The following POM121 variants were observed in gnomAD, a reference collection of about 807,000 sequenced individuals.
POM121 encodes the protein POM121 transmembrane nucleoporin.
Under a neutral mutation model 81.3 loss-of-function variants are expected in POM121, and 32 were observed. That is an observed-to-expected ratio of 0.39 (90% CI 0.30 to 0.53). The LOEUF (loss-of-function observed/expected upper bound fraction) is 0.53, where lower values mean the gene tolerates loss of function less well. POM121 is among the 20% of genes least tolerant of loss of function. The pLI is 0.66. For missense variants in POM121, 1,138 were observed against 1,614.6 expected (o/e 0.70, Z 5.06); for synonymous variants, 514 against 694.2 (o/e 0.74, Z 4.08).
chr7:72,923,122 C>A (rs555536234), upstream of POM121, among the ~76,000 whole-genome samples: 61 of 150,004 alleles, frequency 4.1e-4, 1 homozygote, highest in East Asian at 2.4e-3. Flanking sequence ...AACCCCCCCC[C>A]CCTTTTTTTT....
intron 1 of POM121, among the ~76,000 whole-genome samples, chr7:72,889,666 C>G (rs759011885): frequency 5.3e-5 from 8 of 152,130 alleles, no homozygotes; most frequent in Non-Finnish European, 1.0e-4. Context: ...GCCATGATGC[C>G]CAGCCAATTT....
intron 3 of POM121, among the ~76,000 whole-genome samples, chr7:72,911,026 C>T (rs1438131910): frequency 4.6e-5 from 7 of 152,262 alleles, no homozygotes; most frequent in East Asian, 1.9e-4. Context: ...TGGCTATGTC[C>T]GCCAGGTTGG....
chr7:72,903,230 G>A (rs1453625718), intron 3 of POM121, among the ~76,000 whole-genome samples: 10 of 152,204 alleles, frequency 6.6e-5, no homozygotes, highest in African/African-American at 1.4e-4. Flanking sequence ...GAGGTCTGGA[G>A]TTCAAGACCA....
At chr7:72,895,434 C>G (rs1338247447) in intron 3 of POM121, among the ~76,000 whole-genome samples, 32 of 152,168 alleles carry the variant, frequency 2.1e-4, no homozygotes, top group African/African-American at 4.1e-4. Context: ...GATGCCAGGT[C>G]CTAGACAGCT....
intron 1 of POM121, among the ~76,000 whole-genome samples, chr7:72,887,145 G>A (rs1351941715): frequency 2.6e-5 from 4 of 151,972 alleles, no homozygotes; most frequent in African/African-American, 4.8e-5. Flanking sequence ...TTTTTTCCAC[G>A]ATACTGTTCA....
chr7:72,890,502 C>G, intron 1 of POM121: 1 of 1,188,006 alleles, frequency 8.4e-7, no homozygotes, highest in Non-Finnish European at 1.2e-6. Context: ...GATTTCCCTT[C>G]CATAATCTGT....
intron 3 of POM121, among the ~76,000 whole-genome samples, chr7:72,908,989 C>A (rs553261985): frequency 5.3e-5 from 8 of 152,258 alleles, no homozygotes; most frequent in African/African-American, 1.4e-4. Context: ...TAAAGACAGG[C>A]ATAGAAAATC....
intron 5 of POM121, among the ~76,000 whole-genome samples, chr7:72,937,655 C>T (rs1375869584): frequency 6.6e-6 from 1 of 152,172 alleles, no homozygotes. Flanking sequence ...TAAGAAATCA[C>T]TAGCAGCTTT....
chr7:72,911,560 T>C (rs528476080), intron 3 of POM121, among the ~76,000 whole-genome samples: 1 of 152,352 alleles, frequency 6.6e-6, no homozygotes, highest in South Asian at 2.1e-4. Flanking sequence ...CTAAAGAGCC[T>C]GCACCGCAGT....
At position 72,926,316 on chromosome 7, in the gene POM121, G is replaced by C. The variant is rs782651645; in HGVS notation, c.699G>C (p.Pro233=). 2 of 1,604,820 alleles carry C rather than the reference G, an allele frequency of 1.2e-6. No homozygotes were observed. The highest frequency in any genetic ancestry group is 1.7e-5 in the Admixed American group (1 of 58,280). Residue 233 remains proline, a synonymous_variant, in exon 2 of 13, where the codon CCG becomes CCC. Coordinates refer to ENST00000434423, the MANE Select transcript of POM121 (RefSeq NM_001387691.1). ...RFVITPRRRY[P]IHQAQYSCLG... is the part of the protein sequence containing the mutation. The stretch of plus-strand genomic sequence containing the variant: ...TAATAACACCTAGAAGACGCTATCC[G>C]ATCCATCAGGCCCAGTATTCCTGTC...
At chr7:72,879,568 G>C (rs1789924188) in exon 1 of POM121, 4 of 278,168 alleles carry the variant, frequency 1.4e-5, no homozygotes, top group Non-Finnish European at 2.8e-5. Context: ...GGAGCCAGCG[G>C]CGCTGGGGCC....
At chr7:72,910,124 T>C (rs1793660930) in intron 3 of POM121, among the ~76,000 whole-genome samples, 1 of 152,248 alleles carries the variant, frequency 6.6e-6, no homozygotes, top group Non-Finnish European at 1.5e-5. Flanking sequence ...GCTGCTAGCG[T>C]TCATTTAATT....
upstream of POM121, among the ~76,000 whole-genome samples, chr7:72,923,655 A>G (rs1795051366): frequency 8.2e-6 from 1 of 122,052 alleles, no homozygotes; most frequent in Non-Finnish European, 1.6e-5. Context: ...GCTGGAGTGC[A>G]GTGGCGGGAT....
chr7:72,923,267 C>T (rs1388976612), upstream of POM121, among the ~76,000 whole-genome samples: 1 of 152,214 alleles, frequency 6.6e-6, no homozygotes, highest in Non-Finnish European at 1.5e-5. Flanking sequence ...GCATCTATAC[C>T]TTTCCAACTT....
In POM121 at chr7:72,947,902, C is replaced by T; in HGVS notation, c.*1668C>T. 9.9e-7 allele frequency: 1 copy of T among 1,006,912 alleles called. No homozygotes were observed. Among genetic ancestry groups the T allele is most frequent in the Admixed American group, 5.1e-5 (1 of 19,430 alleles). 62.4% of individuals were successfully genotyped at this position (1,006,912 alleles called of 1,614,324 possible). ...GGTGGCGGGGCTGCTCCTTCCCACCCCTCAGAACAGCTCTGATCCTCGTTA... is the reference window on the plus strand; with the variant it reads ...GGTGGCGGGGCTGCTCCTTCCCACCTCTCAGAACAGCTCTGATCCTCGTTA... On this transcript the variant is annotated 3_prime_UTR_variant, in exon 13 of 13. Coordinates refer to ENST00000434423, the MANE Select transcript of POM121 (RefSeq NM_001387691.1).
chr7:72,924,955 G>C, upstream of POM121: 1 of 1,185,308 alleles, frequency 8.4e-7, no homozygotes, highest in Non-Finnish European at 1.1e-6. Flanking sequence ...GTCAGAAACA[G>C]GCGTTAAAGG....
At chr7:72,930,814 C>T (rs1330700758) in intron 5 of POM121, among the ~76,000 whole-genome samples, 1 of 151,044 alleles carries the variant, frequency 6.6e-6, no homozygotes, top group Admixed American at 6.7e-5. Flanking sequence ...TGCAACAGAG[C>T]AAGACTGTGT....
chr7:72,925,261 A>T lies in POM121; in HGVS notation c.140A>T (p.Tyr47Phe), dbSNP rs1795273243. The T allele has an allele frequency of 6.5e-7, 1 of 1,533,878 alleles. No individual in the cohort carries two copies. Among genetic ancestry groups the T allele is most frequent in the African/African-American group, 1.4e-5 (1 of 72,768 alleles). The change falls in exon 1 of 13, where the codon TAC becomes TTC. Residue 47 changes from tyrosine (Y) to phenylalanine (F), a missense_variant. Physicochemically the swap from Tyr to Phe is conservative, Grantham distance 22. Transcript: ENST00000434423. ...LGLSLVGLLL[Y>F]LVPAAAALAW... The stretch of plus-strand genomic sequence containing the variant: ...CTGTCGCTGGTTGGCCTCTTACTGT[A>T]CCTCGTGCCGGCTGCGGCTGCACTG...
intron 3 of POM121, among the ~76,000 whole-genome samples, chr7:72,892,961 A>G (rs1316834968): frequency 4.7e-4 from 71 of 151,606 alleles, no homozygotes; most frequent in Non-Finnish European, 8.1e-4. Context: ...CACTGTGCCC[A>G]GCCTACTTAT....
Sources: allele counts gnomAD v4.1 joint callset (sites outside exome capture counted in the v4.1 genomes callset), GRCh38; gene constraint gnomAD v4.1.1; transcripts MANE v1.5; gene names NCBI Gene and HGNC (gene_info 2026-07-23, HGNC 2026-07-21).